The following CTNNA2 variants were observed in gnomAD, a reference collection of about 807,000 sequenced individuals.
The protein encoded by CTNNA2 is catenin alpha 2.
In CTNNA2, 42 loss-of-function variants were observed where a neutral mutation model predicts 101.0. That is an observed-to-expected ratio of 0.42 (90% CI 0.32 to 0.54). The LOEUF is 0.54. Ranked by LOEUF, CTNNA2 falls within the 20% of genes least tolerant of loss-of-function variation. The pLI, the probability that CTNNA2 is intolerant of heterozygous loss-of-function variation, is 0.14. For synonymous variants in CTNNA2, 450 were observed against 456.4 expected, an observed-to-expected ratio of 0.99 and a Z score of 0.18; for missense variants, 871 against 1,223.1, an observed-to-expected ratio of 0.71 and a Z score of 4.29.
At chr2:79,833,704 A>G (rs1428425879) in intron 3 of CTNNA2, among the ~76,000 whole-genome samples, 1 of 152,212 alleles carries the variant, frequency 6.6e-6, no homozygotes, top group Non-Finnish European at 1.5e-5. Flanking sequence ...GTAAAACAAG[A>G]CAAACAGATA....
chr2:79,822,457 A>G (rs1366175248), intron 3 of CTNNA2, among the ~76,000 whole-genome samples: 2 of 152,190 alleles, frequency 1.3e-5, no homozygotes, highest in Non-Finnish European at 2.9e-5. Flanking sequence ...GCACTGTGTC[A>G]ACATCCTATT....
At chr2:80,257,959 T>C (rs1444437101) in intron 7 of CTNNA2, among the ~76,000 whole-genome samples, 1 of 152,214 alleles carries the variant, frequency 6.6e-6, no homozygotes, top group Non-Finnish European at 1.5e-5. Flanking sequence ...AATTTAAAAT[T>C]GTCACATACA....
Position 80,515,202 on chromosome 2 carries a change from A to G in CTNNA2, c.1291-29780A>G, listed in dbSNP as rs72916928. Among the ~76,000 whole-genome samples, 580 of 148,924 alleles carry G rather than the reference A, an allele frequency of 3.9e-3. 2 individuals carry two copies. Among genetic ancestry groups the G allele is most frequent in the African/African-American group, 0.011 (455 of 40,306 alleles). ...ACTGCTCATTTTCAGGACCATTCTC[A>G]TGAGTTTCAAATAGGATTTTTTTCT... On this transcript the variant is annotated intron_variant, in intron 9 of 18. Transcript: ENST00000402739.
At chr2:80,226,503 T>C (rs1426860202) in intron 7 of CTNNA2, among the ~76,000 whole-genome samples, 1 of 152,224 alleles carries the variant, frequency 6.6e-6, no homozygotes, top group Non-Finnish European at 1.5e-5. Flanking sequence ...CTTCTGCCTA[T>C]GGTGGTGTAC....
At chr2:79,450,996 G>A (rs1293547665) in intron 4 of CTNNA2, among the ~76,000 whole-genome samples, 3 of 152,018 alleles carry the variant, frequency 2.0e-5, no homozygotes, top group Admixed American at 2.0e-4. Context: ...ACCCAGATGA[G>A]GACAATGTAG....
chr2:80,079,176 T>A (rs1436498353), intron 7 of CTNNA2, among the ~76,000 whole-genome samples: 2 of 152,086 alleles, frequency 1.3e-5, no homozygotes, highest in African/African-American at 4.8e-5. Flanking sequence ...TGATTATTGT[T>A]CTCCTGTGCA....
chr2:79,923,609 T>C (rs1318968418), intron 7 of CTNNA2, among the ~76,000 whole-genome samples: 1 of 152,168 alleles, frequency 6.6e-6, no homozygotes, highest in Non-Finnish European at 1.5e-5. Context: ...AAATCTCTTT[T>C]GGCAACTTTG....
chr2:79,226,113 A>C (rs1463329458), intron 2 of CTNNA2, among the ~76,000 whole-genome samples: 2 of 152,192 alleles, frequency 1.3e-5, no homozygotes, highest in East Asian at 1.9e-4. Flanking sequence ...ATGTGGAGCC[A>C]GCATTCTAAG....
chr2:79,858,079 C>T lies in CTNNA2; in HGVS notation c.365C>T (p.Thr122Ile). 6.2e-7 allele frequency: 1 copy of T among 1,614,166 alleles called. No individual in the cohort carries two copies. Among genetic ancestry groups the T allele is most frequent in the Non-Finnish European group, 8.5e-7 (1 of 1,180,004 alleles). ...CCTTGCTCGTCGGTAAAGCGCGGCA[C>T]CATGGTACGGGCGGCAAGGGCTTTG... ...DDPCSSVKRGTMVRAARALLS... is the reference protein window; with the variant it reads ...DDPCSSVKRGIMVRAARALLS... Residue 122 changes from threonine (T) to isoleucine (I), a missense_variant, in exon 4 of 19, where the codon ACC (threonine) becomes ATC (isoleucine). By Grantham distance (89) the Thr-to-Ile change is moderately conservative. Coordinates refer to ENST00000402739, the MANE Select transcript of CTNNA2 (RefSeq NM_001282597.3).
chr2:80,193,588 A>G (rs993556639), intron 7 of CTNNA2, among the ~76,000 whole-genome samples: 5 of 152,158 alleles, frequency 3.3e-5, no homozygotes, highest in Non-Finnish European at 7.3e-5. Flanking sequence ...TCTGTCTGTA[A>G]ATCCCAGGCC....
intron 9 of CTNNA2, among the ~76,000 whole-genome samples, chr2:80,440,480 C>T (rs1304146960): frequency 6.6e-6 from 1 of 152,182 alleles, no homozygotes; most frequent in Non-Finnish European, 1.5e-5. Context: ...ATGGGCTAAT[C>T]AGTATGCCTT....
At chr2:79,661,509 G>A (rs1682033113) in intron 2 of CTNNA2, among the ~76,000 whole-genome samples, 2 of 152,152 alleles carry the variant, frequency 1.3e-5, no homozygotes, top group African/African-American at 4.8e-5. Flanking sequence ...CATTCTTGGG[G>A]TTTCCCCCAC....
Position 80,314,100 on chromosome 2 carries a change from C to T in CTNNA2, c.1057-79111C>T, listed in dbSNP as rs559329597. 3.0e-4 allele frequency among the ~76,000 whole-genome samples: 46 copies of T among 152,198 alleles called. 1 individual carries two copies. In the East Asian group the frequency reaches 6.8e-3, roughly 22 times the overall value. On this transcript the variant is annotated intron_variant, in intron 7 of 18. Transcript: ENST00000402739. ...GAGCTGCACATATAGATCAGGGAGTCCCTGGAATGTGCTTGGTGGCTATAG... is the reference window on the plus strand; with the variant it reads ...GAGCTGCACATATAGATCAGGGAGTTCCTGGAATGTGCTTGGTGGCTATAG...
chr2:80,367,768 C>T (rs1242510700), intron 7 of CTNNA2, among the ~76,000 whole-genome samples: 1 of 152,062 alleles, frequency 6.6e-6, no homozygotes, highest in Non-Finnish European at 1.5e-5. Context: ...ATCAGCTCTA[C>T]TAACTAGTAG....
intron 4 of CTNNA2, among the ~76,000 whole-genome samples, chr2:79,412,201 G>T (rs112681565): frequency 5.9e-5 from 9 of 151,934 alleles, no homozygotes; most frequent in East Asian, 1.9e-4. Flanking sequence ...CTAACTATCC[G>T]AAATATATAT....
rs115545324 is a variant in CTNNA2, at chr2:79,187,973, G to A, written c.-524+2542G>A. ...CTTCAACTAGCCTCAGACTTAAAAG[G>A]ACTTAGTTAATCAAGATCATAAGCC... On this transcript the variant is annotated intron_variant, in intron 1 of 21. Transcript: ENST00000466387. 3.7e-3 allele frequency among the ~76,000 whole-genome samples: 568 copies of A among 152,134 alleles called. 3 individuals are homozygous for A. Among genetic ancestry groups the A allele is most frequent in the African/African-American group, 0.013 (547 of 41,500 alleles).
At chr2:80,036,823 TTGTGTGTG>T (rs1213433697) in intron 7 of CTNNA2, among the ~76,000 whole-genome samples, 19 of 134,724 alleles carry the variant, frequency 1.4e-4, no homozygotes, top group African/African-American at 4.7e-4. Flanking sequence ...GTGTGTGTGT[TTGTGTGTG>T]TGTGTGTGTG....
intron 1 of CTNNA2, among the ~76,000 whole-genome samples, chr2:79,528,865 G>T (rs1022460113): frequency 6.6e-6 from 1 of 152,102 alleles, no homozygotes; most frequent in African/African-American, 2.4e-5. Flanking sequence ...ACGATACCAA[G>T]ATAAGTAAGA....
At chr2:80,543,460 C>T (rs531489176) in intron 9 of CTNNA2, among the ~76,000 whole-genome samples, 2 of 152,252 alleles carry the variant, frequency 1.3e-5, no homozygotes, top group South Asian at 4.1e-4. Flanking sequence ...TTTGAATTCA[C>T]TTGTCATAAT....
Sources: gnomAD v4.1 joint callset for allele counts (sites outside exome capture counted in the v4.1 genomes callset) on GRCh38, gnomAD v4.1.1 for gene constraint, MANE v1.5 for transcripts, NCBI Gene and HGNC (gene_info 2026-07-23, HGNC 2026-07-21) for gene names.